UBN1: variants seen among roughly 807,000 people sequenced by gnomAD.
UBN1 encodes ubinuclein-1.
A neutral mutation model predicts 108.5 loss-of-function variants in UBN1; 17 were observed. The ratio of observed to expected loss-of-function variants is 0.16; its 90% CI spans 0.11 to 0.24. UBN1 has a LOEUF of 0.24. Ranked by LOEUF, UBN1 falls within the 10% of genes least tolerant of loss-of-function variation. The probability of loss-of-function intolerance (pLI) is 1.00; values close to 1 mark genes in which losing one functional copy is unlikely to be tolerated. For missense variants in UBN1, 1,595 were observed against 1,394.4 expected, an observed-to-expected ratio of 1.14 and a Z score of -2.29; for synonymous variants, 726 against 564.2, an observed-to-expected ratio of 1.29 and a Z score of -4.07.
intron 1 of UBN1, among the ~76,000 whole-genome samples, chr16:4,850,302 G>C (rs752517334): frequency 2.0e-5 from 3 of 152,190 alleles, no homozygotes; most frequent in Admixed American, 2.0e-4. Context: ...GAAAGGAGCA[G>C]TTTTGCCATC....
intron 2 of UBN1, among the ~76,000 whole-genome samples, chr16:4,853,732 C>T (rs1268058263): frequency 6.6e-6 from 1 of 151,712 alleles, no homozygotes; most frequent in African/African-American, 2.4e-5. Context: ...CAGCTAATTT[C>T]TGTGTTTTTA....
At chr16:4,869,488 G>A (rs1475172436) in intron 8 of UBN1, among the ~76,000 whole-genome samples, 1 of 152,246 alleles carries the variant, frequency 6.6e-6, no homozygotes, top group Middle Eastern at 3.2e-3. Context: ...GGCCTGCAGT[G>A]TTGCCGCTTT....
Position 4,881,233 on chromosome 16 carries a change from G to C in UBN1, c.*1101G>C, listed in dbSNP as rs3210677. On this transcript the variant is annotated 3_prime_UTR_variant, in exon 18 of 18. Transcript: ENST00000262376. ...ATCATTCTTAGGCAGTGCGGCAGAA[G>C]CAGGCCTCTGTGAAGTGTCTGCCGG... 2 of 152,816 alleles carry C rather than the reference G, an allele frequency of 1.3e-5. No individual in the cohort carries two copies. The highest frequency in any genetic ancestry group is 6.5e-5 in the Admixed American group (1 of 15,308). The allele number at this position is 152,816 out of a possible 1,614,324, so 9.5% of individuals were successfully genotyped here. A position where few individuals can be genotyped will look rare whatever the true frequency, so the allele number is the denominator to read the frequency against.
intron 1 of UBN1, among the ~76,000 whole-genome samples, chr16:4,848,841 C>T (rs1596462248): frequency 6.6e-6 from 1 of 152,174 alleles, no homozygotes; most frequent in East Asian, 1.9e-4. Context: ...TGGTATAAGC[C>T]TGTAATCCCA....
In UBN1 at chr16:4,871,034, C is replaced by T. The variant is rs1225680127; in HGVS notation, c.1559+62C>T. 6 of 1,606,584 alleles carry T rather than the reference C, an allele frequency of 3.7e-6. No homozygotes were observed. The East Asian group carries it at 1.3e-4, about 36-fold the overall frequency. ...TGGTGGGGCAGTGTCTGAGCACGTC[C>T]CCTATTGCTGACAAAGGTTAGGCTC... is the stretch of plus-strand genomic sequence containing the variant. On this transcript the variant is annotated intron_variant, in intron 11 of 17. Transcript: ENST00000262376.
intron 15 of UBN1, among the ~76,000 whole-genome samples, chr16:4,876,059 C>T (rs1315150925): frequency 2.6e-5 from 4 of 151,540 alleles, no homozygotes; most frequent in South Asian, 2.1e-4. Context: ...CCCGGGTTCA[C>T]GCCATTCTCC....
intron 12 of UBN1, chr16:4,872,388 T>C: frequency 1.0e-6 from 1 of 981,500 alleles, no homozygotes; most frequent in African/African-American, 1.8e-5. Context: ...GGGCAGCCAG[T>C]GTGTCCCATT....
chr16:4,868,902 G>C lies in UBN1; in HGVS notation c.1180G>C (p.Asp394His). 1 of 1,613,884 alleles carries C rather than the reference G, an allele frequency of 6.2e-7. No homozygotes were observed. The highest frequency in any genetic ancestry group is 8.5e-7 in the Non-Finnish European group (1 of 1,179,846). ...FTQDINGILLDIEAQTRELSS... is the reference protein window; with the variant it reads ...FTQDINGILLHIEAQTRELSS... ...CCAGGATATTAATGGAATCCTATTA[G>C]AGTGAGTATCGTCTGTCTGTCTGTC... Residue 394 changes from aspartate to histidine, a missense_variant and splice_region_variant, in exon 8 of 18, where the codon GAC (aspartate) becomes CAC (histidine). Asp to His is a moderately conservative substitution (Grantham distance 81). Around this residue, in one of 3 missense-constraint regions of UBN1, gnomAD observed 1,398 missense variants for 1,194.7 expected, o/e 1.17. Transcript: ENST00000262376.
intron 7 of UBN1, among the ~76,000 whole-genome samples, chr16:4,865,712 G>C (rs1036955098): frequency 6.6e-6 from 1 of 151,954 alleles, no homozygotes; most frequent in African/African-American, 2.4e-5. Context: ...TGTAATCCCA[G>C]CATTTTGGGT....
intron 6 of UBN1, among the ~76,000 whole-genome samples, 164 bp downstream of exon 6, chr16:4,860,132 A>G (rs948864608): frequency 6.6e-6 from 1 of 151,982 alleles, no homozygotes; most frequent in Non-Finnish European, 1.5e-5. Flanking sequence ...ATAGACGCTC[A>G]CCTCTCAGTG....
rs540518629 is a variant in UBN1, at chr16:4,866,322, A to G, written c.1111-2511A>G. The stretch of plus-strand genomic sequence containing the variant: ...TTCACCTAGCCAAGGGATCTGTAGA[A>G]GCTTGAGTTTTGCGCATTTTCTTCT... On this transcript the variant is annotated intron_variant, in intron 7 of 17. Coordinates refer to ENST00000262376, the MANE Select transcript of UBN1 (RefSeq NM_001079514.3). Among the ~76,000 whole-genome samples, 6 of 152,236 alleles carry G rather than the reference A, an allele frequency of 3.9e-5. No homozygotes were observed. The South Asian group carries it at 1.2e-3, about 32-fold the overall frequency.
Position 4,874,438 on chromosome 16 carries a change from G to C in UBN1, c.2028G>C (p.Val676=). The C allele has an allele frequency of 6.2e-7, 1 of 1,613,764 alleles. No individual in the cohort carries two copies. Among genetic ancestry groups the C allele is most frequent in the Non-Finnish European group, 8.5e-7 (1 of 1,179,952 alleles). ...IRNPASSVEA[V]SKELAALNSR... ...ATCCAGCCTCCTCGGTGGAAGCCGTGTCCAAGGAATTGGCTGCATTGAATA... is the reference window on the plus strand; with the variant it reads ...ATCCAGCCTCCTCGGTGGAAGCCGTCTCCAAGGAATTGGCTGCATTGAATA... The change falls in exon 15 of 18, where the codon GTG becomes GTC. Residue 676 remains valine (V), a synonymous_variant. Transcript: ENST00000262376.
At position 4,860,841 on chromosome 16, in the gene UBN1, G is replaced by C; in HGVS notation, c.849G>C (p.Glu283Asp). The change falls in exon 7 of 18, where the codon GAG (glutamate) becomes GAC (aspartate). Residue 283 changes from glutamate (E) to aspartate (D), a missense_variant. Coordinates refer to ENST00000262376, the MANE Select transcript of UBN1 (RefSeq NM_001079514.3). Reference sequence around the variant, plus strand: ...AAGCTCAGGGCCTGCGGGAACTGGAGGGTGCCTCTGACCCCTTGCTCTCAC... The same window carrying C: ...AAGCTCAGGGCCTGCGGGAACTGGACGGTGCCTCTGACCCCTTGCTCTCAC... ...SAEAQGLRELEGASDPLLSLF... is the reference protein window; with the variant it reads ...SAEAQGLRELDGASDPLLSLF... The C allele has an allele frequency of 1.9e-6, 3 of 1,614,278 alleles. No homozygotes were observed. Among genetic ancestry groups the C allele is most frequent in the South Asian group, 1.1e-5 (1 of 91,090 alleles).
rs113388005 is a variant in UBN1, at chr16:4,874,908, C to T, written c.2498C>T (p.Ser833Phe). Residue 833 changes from serine (S) to phenylalanine (F), a missense_variant, in exon 15 of 18, where the codon TCT becomes TTT. Ser to Phe is a radical substitution (Grantham distance 155). Transcript: ENST00000262376. Reference sequence around the variant, plus strand: ...AATAAGCTCCAAGGCCCAAAGGCTTCTCCCACACAGTGTCATCGTTCCCTC... The same window carrying T: ...AATAAGCTCCAAGGCCCAAAGGCTTTTCCCACACAGTGTCATCGTTCCCTC... Reference protein sequence around the residue: ...FANKLQGPKASPTQCHRSLLQ... With the variant: ...FANKLQGPKAFPTQCHRSLLQ... The T allele has an allele frequency of 1.9e-4, 311 of 1,614,046 alleles. No homozygotes were observed. The highest frequency in any genetic ancestry group is 2.4e-4 in the Non-Finnish European group (285 of 1,180,048).
Position 4,869,412 on chromosome 16 carries a change from C to T in UBN1, c.1181+509C>T, listed in dbSNP as rs78853151. The stretch of plus-strand genomic sequence containing the variant: ...CTCTGAGACACCACGCTGTGTGAAT[C>T]GGGTTAAAAAACAGATGAGCAAACA... On this transcript the variant is annotated intron_variant, in intron 8 of 17. Coordinates refer to ENST00000262376, the MANE Select transcript of UBN1 (RefSeq NM_001079514.3). Among the ~76,000 whole-genome samples, 746 of 152,300 alleles carry T rather than the reference C, an allele frequency of 4.9e-3. 1 individual carries two copies. The highest frequency in any genetic ancestry group is 0.017 in the African/African-American group (696 of 41,548).
intron 2 of UBN1, among the ~76,000 whole-genome samples, chr16:4,856,531 G>A (rs1429084824): frequency 1.3e-5 from 2 of 152,200 alleles, no homozygotes; most frequent in African/African-American, 4.8e-5. Context: ...ACCACCGCAG[G>A]TAACAGAAAT....
chr16:4,868,321 A>G, intron 7 of UBN1, among the ~76,000 whole-genome samples: 1 of 152,220 alleles, frequency 6.6e-6, no homozygotes, highest in Non-Finnish European at 1.5e-5. Flanking sequence ...TGGTCTGGCT[A>G]ATAGAGAGCT....
chr16:4,875,797 A>C (rs535683340), intron 15 of UBN1, among the ~76,000 whole-genome samples: 53 of 152,218 alleles, frequency 3.5e-4, no homozygotes, highest in African/African-American at 1.2e-3. Context: ...GCTGTCTTCT[A>C]TCAGTTGAGT....
intron 2 of UBN1, among the ~76,000 whole-genome samples, chr16:4,856,083 C>A (rs190891296): frequency 6.6e-6 from 1 of 152,342 alleles, no homozygotes; most frequent in East Asian, 1.9e-4. Flanking sequence ...TTTATAATTC[C>A]TGTTTCAGGA....
Sources: allele counts gnomAD v4.1 joint callset (sites outside exome capture counted in the v4.1 genomes callset), GRCh38; gene constraint gnomAD v4.1.1; regional missense constraint gnomAD v4.1.1; transcripts MANE v1.5; gene names NCBI Gene and HGNC (gene_info 2026-07-23, HGNC 2026-07-21).